TEX101: variants seen among roughly 807,000 people sequenced by gnomAD.
The protein encoded by TEX101 is testis-expressed protein 101.
TEX101 carries 10 observed loss-of-function variants against 18.1 expected under a neutral mutation model. The observed-to-expected ratio is 0.55, with a 90% CI of 0.34 to 0.94. The LOEUF is 0.94. TEX101 is among the 40% of genes least tolerant of loss of function. The pLI is 0.02. For synonymous variants in TEX101, 94 were observed against 114.8 expected (o/e 0.82, Z 1.16); for missense variants, 259 against 298.9 (o/e 0.87, Z 0.98).
At chr19:43,405,833 T>C (rs1419435063) in intron 2 of TEX101, among the ~76,000 whole-genome samples, 1 of 151,896 alleles carries the variant, frequency 6.6e-6, no homozygotes, top group Non-Finnish European at 1.5e-5. Flanking sequence ...GAGAACTGCT[T>C]GAACCCAGGA....
chr19:43,391,478 T>A, the TEX101 span, among the ~76,000 whole-genome samples: 2 of 149,192 alleles, frequency 1.3e-5, no homozygotes, highest in African/African-American at 5.0e-5. Context: ...ACTGTAGTTG[T>A]GATTTTTATT....
At chr19:43,397,650 T>C (rs1970279078), upstream of TEX101, among the ~76,000 whole-genome samples, 1 of 149,130 alleles carries the variant, frequency 6.7e-6, no homozygotes, top group Admixed American at 6.9e-5. Flanking sequence ...TTAGCATGCC[T>C]CTCCCCAGAA....
chr19:43,414,027 G>A (rs1970443715), upstream of TEX101, among the ~76,000 whole-genome samples: 1 of 152,056 alleles, frequency 6.6e-6, no homozygotes, highest in East Asian at 1.9e-4. Context: ...GGGAGGCTGT[G>A]GTAGGAGAAT....
At chr19:43,401,852 A>T (rs1212570994) in intron 1 of TEX101, among the ~76,000 whole-genome samples, 1 of 152,232 alleles carries the variant, frequency 6.6e-6, no homozygotes, top group Non-Finnish European at 1.5e-5. Flanking sequence ...TCTCAAAAAA[A>T]AAAAAGAGAA....
At chr19:43,393,524 A>C in the TEX101 span, among the ~76,000 whole-genome samples, 1 of 152,088 alleles carries the variant, frequency 6.6e-6, no homozygotes, top group Non-Finnish European at 1.5e-5. Flanking sequence ...CATGTTTCAT[A>C]AAGGACCCCA....
chr19:43,390,241 T>A, the TEX101 span, among the ~76,000 whole-genome samples: 1 of 152,126 alleles, frequency 6.6e-6, no homozygotes, highest in Admixed American at 6.6e-5. Context: ...TGTGCAGGCA[T>A]GAAGAGCCTG....
chr19:43,394,766 G>A, the TEX101 span, among the ~76,000 whole-genome samples: 2 of 152,068 alleles, frequency 1.3e-5, no homozygotes, highest in African/African-American at 2.4e-5. Context: ...CACTGCACCC[G>A]GCCTTACTTA....
At chr19:43,390,142 C>T in the TEX101 span, among the ~76,000 whole-genome samples, 2 of 152,286 alleles carry the variant, frequency 1.3e-5, no homozygotes, top group South Asian at 4.1e-4. Context: ...TCCTTCAGCT[C>T]CATTACATTT....
chr19:43,403,313 G>A lies in TEX101; in HGVS notation c.-283+454G>A, dbSNP rs148496439. On this transcript the variant is annotated intron_variant, in intron 2 of 7. Transcript: ENST00000602198. ...TAAAGGTTTTCTAAATACTGTGTGC[G>A]GCACTAGAAACTTCATGCTGTATCA... Among the ~76,000 whole-genome samples the A allele has an allele frequency of 1.3e-3, 193 of 152,236 alleles. 2 individuals carry two copies. The highest frequency in any genetic ancestry group is 2.3e-3 in the Non-Finnish European group (159 of 68,014).
At chr19:43,414,826 G>A (rs1568458191), upstream of TEX101, 1 of 985,288 alleles carries the variant, frequency 1.0e-6, no homozygotes, top group Non-Finnish European at 1.2e-6. Flanking sequence ...CTTATCCGAT[G>A]CTTTTGCATC....
chr19:43,415,093 G>A (rs996846238), intron 1 of TEX101, 55 bp downstream of exon 1: 2 of 982,922 alleles, frequency 2.0e-6, no homozygotes, highest in Non-Finnish European at 2.4e-6. Context: ...AGGGTTGGGG[G>A]CCTGGGCTCC....
At chr19:43,415,607 C>CA (rs1970465542) in intron 1 of TEX101, among the ~76,000 whole-genome samples, 1 of 151,910 alleles carries the variant, frequency 6.6e-6, no homozygotes, top group South Asian at 2.1e-4. Context: ...ACTAAAAATA[C>CA]AAAAAATTCA....
upstream of TEX101, among the ~76,000 whole-genome samples, chr19:43,411,322 C>A (rs1361306440): frequency 6.6e-6 from 1 of 152,132 alleles, no homozygotes; most frequent in African/African-American, 2.4e-5. Context: ...GGTGATCCAC[C>A]ACCTCGGCCT....
intron 2 of TEX101, among the ~76,000 whole-genome samples, chr19:43,403,436 G>C (rs1255644618): frequency 1.3e-5 from 2 of 152,078 alleles, no homozygotes; most frequent in African/African-American, 2.4e-5. Context: ...GCCTGTCTTG[G>C]AGTTGGGGGC....
chr19:43,395,407 T>A, the TEX101 span, among the ~76,000 whole-genome samples: 1 of 152,182 alleles, frequency 6.6e-6, no homozygotes, highest in African/African-American at 2.4e-5. Flanking sequence ...CACTGATGAG[T>A]CCATCTTTCC....
At chr19:43,413,295 A>C (rs1367583536), upstream of TEX101, among the ~76,000 whole-genome samples, 1 of 151,788 alleles carries the variant, frequency 6.6e-6, no homozygotes, top group Non-Finnish European at 1.5e-5. Flanking sequence ...AGGTCAGGAG[A>C]TCGAGACCAT....
At chr19:43,408,530 G>T (rs932163268) in intron 3 of TEX101, among the ~76,000 whole-genome samples, 82 of 152,108 alleles carry the variant, frequency 5.4e-4, no homozygotes, top group African/African-American at 1.9e-3. Flanking sequence ...CGAGTTGGGG[G>T]TGGACAGGGA....
chr19:43,408,282 G>A (rs56905904), intron 3 of TEX101, among the ~76,000 whole-genome samples: 10 of 151,926 alleles, frequency 6.6e-5, no homozygotes. Context: ...TCTTCTCCTC[G>A]TTCTGCCCGG....
At chr19:43,406,642 A>AG (rs1568456227) in intron 3 of TEX101, 1 of 585,584 alleles carries the variant, frequency 1.7e-6, no homozygotes, top group Non-Finnish European at 3.1e-6. Flanking sequence ...GCCTTAGCCA[A>AG]GCTCACCAGG....
Sources: allele counts gnomAD v4.1 joint callset (sites outside exome capture counted in the v4.1 genomes callset), GRCh38; gene constraint gnomAD v4.1.1; transcripts MANE v1.5; gene names NCBI Gene and HGNC (gene_info 2026-07-23, HGNC 2026-07-21).